Variants in EYA2 observed in about 807,000 individuals in gnomAD.
EYA2 encodes the protein EYA transcriptional coactivator and phosphatase 2.
In EYA2, 31 loss-of-function variants were observed where a neutral mutation model predicts 69.2. The observed-to-expected ratio is 0.45, with a 90% CI of 0.34 to 0.60. The LOEUF (loss-of-function observed/expected upper bound fraction) is 0.60, where lower values mean the gene tolerates loss of function less well. Ranked by LOEUF, EYA2 falls within the 20% of genes least tolerant of loss-of-function variation. The probability of loss-of-function intolerance (pLI) is 0.02; values close to 1 mark genes in which losing one functional copy is unlikely to be tolerated. For missense variants in EYA2, 622 were observed against 701.2 expected (o/e 0.89, Z 1.28); for synonymous variants, 257 against 279.4 (o/e 0.92, Z 0.80).
chr20:47,095,149 G>C (rs2032211697), intron 8 of EYA2, among the ~76,000 whole-genome samples: 1 of 152,060 alleles, frequency 6.6e-6, no homozygotes, highest in Non-Finnish European at 1.5e-5. Context: ...TCAAGATCTT[G>C]CATCCATAAA....
chr20:46,942,822 A>G (rs1358540079), intron 1 of EYA2, among the ~76,000 whole-genome samples: 6 of 152,094 alleles, frequency 3.9e-5, no homozygotes, highest in Non-Finnish European at 7.4e-5. Context: ...CTGGAGTGCA[A>G]TGGCACGATC....
chr20:47,026,908 A>C (rs963008834), intron 5 of EYA2, among the ~76,000 whole-genome samples: 1 of 152,248 alleles, frequency 6.6e-6, no homozygotes, highest in Non-Finnish European at 1.5e-5. Flanking sequence ...ATTCTTTTTC[A>C]ATATGGACAA....
chr20:46,898,815 T>C (rs1241886588), intron 1 of EYA2, among the ~76,000 whole-genome samples: 1 of 152,206 alleles, frequency 6.6e-6, no homozygotes, highest in Non-Finnish European at 1.5e-5. Context: ...AAATCAGTTT[T>C]AAGGTACCTG....
At chr20:47,032,658 G>A (rs543060865) in intron 5 of EYA2, among the ~76,000 whole-genome samples, 5 of 152,342 alleles carry the variant, frequency 3.3e-5, no homozygotes, top group South Asian at 4.1e-4. Flanking sequence ...AGACGCTGCA[G>A]TACTGCATCG....
intron 10 of EYA2, among the ~76,000 whole-genome samples, chr20:47,148,873 A>G (rs995891711): frequency 2.6e-5 from 4 of 152,164 alleles, no homozygotes; most frequent in Non-Finnish European, 5.9e-5. Context: ...GGGATGTGCC[A>G]CTGTCGAGTC....
intron 1 of EYA2, among the ~76,000 whole-genome samples, chr20:46,944,479 G>A (rs534483736): frequency 6.6e-6 from 1 of 152,194 alleles, no homozygotes; most frequent in South Asian, 2.1e-4. Context: ...TGTGGGTGCT[G>A]GGCACTACAC....
intron 1 of EYA2, among the ~76,000 whole-genome samples, chr20:46,924,692 A>AAAAAC (rs1985336844): frequency 1.4e-5 from 2 of 145,674 alleles, no homozygotes; most frequent in South Asian, 2.2e-4. Context: ...AAAAAAAAAA[A>AAAAAC]AGCCCCAAGT....
At chr20:47,186,631 T>C (rs2034648459) in intron 15 of EYA2, among the ~76,000 whole-genome samples, 1 of 152,090 alleles carries the variant, frequency 6.6e-6, no homozygotes, top group Admixed American at 6.6e-5. Flanking sequence ...AGTCCTAGGA[T>C]TACAGGCGTG....
chr20:46,957,969 T>C (rs984422536), intron 1 of EYA2, among the ~76,000 whole-genome samples: 3 of 152,154 alleles, frequency 2.0e-5, no homozygotes, highest in Non-Finnish European at 4.4e-5. Context: ...GGTCATGAGC[T>C]CTACCATCCA....
intron 1 of EYA2, among the ~76,000 whole-genome samples, chr20:46,964,948 A>G (rs903290806): frequency 4.6e-5 from 7 of 152,348 alleles, no homozygotes; most frequent in Non-Finnish European, 8.8e-5. Flanking sequence ...CATTCAGGGC[A>G]GTAAGGGCCT....
intron 9 of EYA2, among the ~76,000 whole-genome samples, chr20:47,112,185 T>G (rs1224773548): frequency 2.0e-5 from 3 of 152,026 alleles, no homozygotes; most frequent in African/African-American, 7.2e-5. Context: ...GAAAAGAGAA[T>G]GAGAAGGATA....
At chr20:46,928,021 T>G (rs1985493298) in intron 1 of EYA2, among the ~76,000 whole-genome samples, 1 of 152,196 alleles carries the variant, frequency 6.6e-6, no homozygotes, top group Non-Finnish European at 1.5e-5. Context: ...AGACACTGTT[T>G]TAAGCTCTCC....
At chr20:46,927,424 G>A (rs944945270) in intron 1 of EYA2, among the ~76,000 whole-genome samples, 13 of 152,276 alleles carry the variant, frequency 8.5e-5, no homozygotes, top group South Asian at 2.1e-4. Context: ...CTGTTCTCAC[G>A]CTGCTAATAA....
chr20:46,962,949 C>A (rs1198805879), intron 1 of EYA2, among the ~76,000 whole-genome samples: 1 of 152,250 alleles, frequency 6.6e-6, no homozygotes, highest in Non-Finnish European at 1.5e-5. Context: ...TGCCTCTGTT[C>A]CCTGGCACCA....
chr20:47,094,069 G>T (rs1323774464), intron 8 of EYA2, among the ~76,000 whole-genome samples: 3 of 152,178 alleles, frequency 2.0e-5, no homozygotes, highest in Admixed American at 6.5e-5. Context: ...CACCATGATG[G>T]CCTAGGGAAT....
intron 10 of EYA2, among the ~76,000 whole-genome samples, chr20:47,155,363 G>T (rs144006918): frequency 4.6e-5 from 7 of 152,056 alleles, no homozygotes; most frequent in African/African-American, 1.4e-4. Flanking sequence ...GCACCTTCTA[G>T]AAAAGACATG....
At chr20:46,982,445 T>C (rs148945649) in intron 1 of EYA2, among the ~76,000 whole-genome samples, 2 of 152,352 alleles carry the variant, frequency 1.3e-5, no homozygotes, top group African/African-American at 4.8e-5. Context: ...TATTTATCTT[T>C]GGGATTCACA....
At chr20:47,090,079 CTT>C (rs1249594253) in intron 8 of EYA2, among the ~76,000 whole-genome samples, 1 of 152,062 alleles carries the variant, frequency 6.6e-6, no homozygotes, top group Non-Finnish European at 1.5e-5. Flanking sequence ...CACATGAGGA[CTT>C]TGAGAAACCT....
chr20:46,924,487 G>A (rs1317804211), intron 1 of EYA2, among the ~76,000 whole-genome samples: 3 of 152,084 alleles, frequency 2.0e-5, no homozygotes, highest in East Asian at 1.9e-4. Flanking sequence ...TGGCTAACAC[G>A]GTGAAAACCC....
Sources: gnomAD v4.1 joint callset for allele counts (sites outside exome capture counted in the v4.1 genomes callset) on GRCh38, gnomAD v4.1.1 for gene constraint, MANE v1.5 for transcripts, NCBI Gene and HGNC (gene_info 2026-07-23, HGNC 2026-07-21) for gene names.